POU2F2: variants seen among roughly 807,000 people sequenced by gnomAD.
POU2F2 encodes the protein POU domain, class 2, transcription factor 2.
A neutral mutation model predicts 63.5 loss-of-function variants in POU2F2; 14 were observed. The ratio of observed to expected loss-of-function variants is 0.22; its 90% CI spans 0.15 to 0.34. The LOEUF (loss-of-function observed/expected upper bound fraction) is 0.34, where lower values mean the gene tolerates loss of function less well. Among genes scored for constraint, POU2F2 ranks in the 10% least tolerant of loss-of-function variants. The pLI, the probability that POU2F2 is intolerant of heterozygous loss-of-function variation, is 1.00. For synonymous variants in POU2F2, 306 were observed against 348.6 expected, an observed-to-expected ratio of 0.88 and a Z score of 1.36; for missense variants, 607 against 815.2, an observed-to-expected ratio of 0.74 and a Z score of 3.11.
At chr19:42,134,281 G>A (rs1023337870), upstream of POU2F2, among the ~76,000 whole-genome samples, 4 of 152,080 alleles carry the variant, frequency 2.6e-5, no homozygotes, top group African/African-American at 7.2e-5. Flanking sequence ...CATCATCCAC[G>A]TCAGGAACAC....
intron 2 of POU2F2, among the ~76,000 whole-genome samples, chr19:42,146,047 A>G (rs528076919): frequency 0.013 from 1,682 of 125,420 alleles, 32 homozygotes; most frequent in African/African-American, 0.04. Flanking sequence ...AAAAAAAAAA[A>G]AAAAAGAAAA....
chr19:42,174,577 C>A (rs565861809), intron 1 of POU2F2, among the ~76,000 whole-genome samples: 3 of 151,998 alleles, frequency 2.0e-5, no homozygotes, highest in Non-Finnish European at 4.4e-5. Context: ...CAACCCCCCA[C>A]TGAAAACACA....
upstream of POU2F2, among the ~76,000 whole-genome samples, chr19:42,178,882 G>A (rs1432071783): frequency 6.6e-6 from 1 of 152,158 alleles, no homozygotes; most frequent in Non-Finnish European, 1.5e-5. Flanking sequence ...GAGTCAAAGT[G>A]AGGCAGAGAA....
At chr19:42,186,211 G>T (rs1248270351) in intron 1 of POU2F2, among the ~76,000 whole-genome samples, 2 of 152,046 alleles carry the variant, frequency 1.3e-5, no homozygotes, top group East Asian at 3.8e-4. Context: ...TGTAGTCCCA[G>T]CTACTTGGGA....
intron 2 of POU2F2, among the ~76,000 whole-genome samples, chr19:42,150,586 G>A (rs1296540320): frequency 4.8e-5 from 7 of 145,302 alleles, no homozygotes; most frequent in East Asian, 2.3e-4. Context: ...AGGGCTCAGC[G>A]CAGAGGCCGG....
intron 2 of POU2F2, among the ~76,000 whole-genome samples, chr19:42,154,693 C>G (rs76017606): frequency 0.1 from 15,649 of 151,884 alleles, 963 homozygotes; most frequent in Middle Eastern, 0.2. Flanking sequence ...AGTTGGTAAC[C>G]CACTAGAGAC....
intron 1 of POU2F2, among the ~76,000 whole-genome samples, chr19:42,125,289 G>A (rs1375344310): frequency 6.6e-6 from 1 of 150,420 alleles, no homozygotes; most frequent in East Asian, 2.0e-4. Flanking sequence ...TCGAGCCCAG[G>A]AGATTGAGGC....
chr19:42,127,127 T>C (rs2033273048), intron 1 of POU2F2, among the ~76,000 whole-genome samples: 1 of 152,040 alleles, frequency 6.6e-6, no homozygotes. Context: ...AAAAAAAATT[T>C]TTTTTTTTTG....
chr19:42,099,922 C>A, intron 5 of POU2F2, 101 bp from the exon 6 acceptor site: 1 of 918,142 alleles, frequency 1.1e-6, no homozygotes, highest in Non-Finnish European at 1.7e-6. Context: ...CAGGAAGCTG[C>A]TCCACATGGC....
intron 2 of POU2F2, among the ~76,000 whole-genome samples, chr19:42,149,387 T>C (rs1008846701): frequency 1.3e-5 from 2 of 152,138 alleles, no homozygotes; most frequent in African/African-American, 4.8e-5. Context: ...CCTCCACTTC[T>C]TTCTATGGCT....
At chr19:42,093,009 ATTTTTT>A (rs1201422267) in intron 12 of POU2F2, among the ~76,000 whole-genome samples, 6 of 47,198 alleles carry the variant, frequency 1.3e-4, no homozygotes, top group African/African-American at 2.0e-4. Context: ...ATATATATAT[ATTTTTT>A]TTTTTTTTTT....
chr19:42,186,083 C>T (rs1568427968), intron 1 of POU2F2, among the ~76,000 whole-genome samples: 1 of 151,870 alleles, frequency 6.6e-6, no homozygotes, highest in South Asian at 2.1e-4. Flanking sequence ...GGGACTGGGA[C>T]GCCGAGGCGG....
At chr19:42,091,681 C>T in intron 14 of POU2F2, 90 bp from the exon 15 acceptor site, 1 of 1,551,284 alleles carries the variant, frequency 6.4e-7, no homozygotes, top group Non-Finnish European at 8.7e-7. Flanking sequence ...TGCCCCCCAT[C>T]TCCCCATCGG....
intron 1 of POU2F2, among the ~76,000 whole-genome samples, chr19:42,187,201 C>T (rs976162714): frequency 6.6e-6 from 1 of 152,198 alleles, no homozygotes; most frequent in African/African-American, 2.4e-5. Context: ...CAGTGGTTCA[C>T]GCCTGTAATC....
At chr19:42,175,827 GC>G (rs1429128699) in intron 1 of POU2F2, 2 of 152,308 alleles carry the variant, frequency 1.3e-5, no homozygotes, top group Non-Finnish European at 2.9e-5. Context: ...TGCCTGAGAT[GC>G]CACCGCCTCT....
intron 12 of POU2F2, chr19:42,093,563 G>C (rs1228553935): frequency 1.0e-5 from 4 of 385,214 alleles, no homozygotes; most frequent in African/African-American, 8.2e-5. Flanking sequence ...AAAAATGACA[G>C]AGGCCAGGCA....
intron 2 of POU2F2, among the ~76,000 whole-genome samples, chr19:42,146,577 G>A (rs1399227876): frequency 6.6e-6 from 1 of 151,984 alleles, no homozygotes; most frequent in Non-Finnish European, 1.5e-5. Context: ...GCTGTGAGGG[G>A]AGCCAACACC....
intron 1 of POU2F2, among the ~76,000 whole-genome samples, chr19:42,172,641 G>A (rs1182855773): frequency 1.3e-5 from 2 of 152,178 alleles, no homozygotes; most frequent in African/African-American, 2.4e-5. Flanking sequence ...AAAGGGGTAG[G>A]GGGGACCATA....
chr19:42,158,050 G>A (rs998244527), intron 2 of POU2F2, among the ~76,000 whole-genome samples: 6 of 152,234 alleles, frequency 3.9e-5, no homozygotes, highest in Non-Finnish European at 8.8e-5. Context: ...CAGAGCAGGT[G>A]AGGGCGATGT....
Sources: allele counts gnomAD v4.1 joint callset (sites outside exome capture counted in the v4.1 genomes callset), GRCh38; gene constraint gnomAD v4.1.1; transcripts MANE v1.5; gene names NCBI Gene and HGNC (gene_info 2026-07-23, HGNC 2026-07-21).